The following AKT3 variants were observed in gnomAD, a reference collection of about 807,000 sequenced individuals.
The protein encoded by AKT3 is AKT serine/threonine kinase 3.
Under a neutral mutation model 65.3 loss-of-function variants are expected in AKT3, and 15 were observed. The observed-to-expected ratio is 0.23, with a 90% CI of 0.15 to 0.35. AKT3 has a LOEUF of 0.35. AKT3 is among the 10% of genes least tolerant of loss of function. The pLI is 1.00. For synonymous variants in AKT3, 206 were observed against 183.8 expected (o/e 1.12, Z -0.98); for missense variants, 243 against 576.5 (o/e 0.42, Z 5.92).
At chr1:243,525,763 A>AAAAGAAAGAAAGAAAG (rs1156394636) in intron 12 of AKT3, among the ~76,000 whole-genome samples, 6 of 28,622 alleles carry the variant, frequency 2.1e-4, no homozygotes, top group African/African-American at 7.4e-4. Flanking sequence ...GACAACTTCC[A>AAAAGAAAGAAAGAAAG]AAAGTAAGAA....
At chr1:243,646,357 C>A (rs971875154) in intron 4 of AKT3, among the ~76,000 whole-genome samples, 8 of 150,580 alleles carry the variant, frequency 5.3e-5, no homozygotes, top group African/African-American at 1.9e-4. Context: ...ATATATATAT[C>A]CTACTTTTTT....
At chr1:243,812,026 A>G (rs2148400046) in intron 2 of AKT3, among the ~76,000 whole-genome samples, 1 of 152,300 alleles carries the variant, frequency 6.6e-6, no homozygotes, top group Non-Finnish European at 1.5e-5. Context: ...TTAATTCAAG[A>G]TGGATTAAAG....
intron 7 of AKT3, 112 bp downstream of exon 7, chr1:243,614,984 C>A (rs956177544): frequency 1.1e-5 from 9 of 817,274 alleles, no homozygotes; most frequent in Middle Eastern, 7.0e-4. Flanking sequence ...GTTCTTTCCA[C>A]AAAGAAAATG....
chr1:243,766,569 A>G (rs1485454570), intron 2 of AKT3, among the ~76,000 whole-genome samples: 3 of 152,206 alleles, frequency 2.0e-5, no homozygotes, highest in Admixed American at 2.0e-4. Context: ...CTCATGTTCT[A>G]TGGCACAAAC....
At chr1:243,834,672 A>T (rs1694774730) in intron 2 of AKT3, among the ~76,000 whole-genome samples, 1 of 151,770 alleles carries the variant, frequency 6.6e-6, no homozygotes, top group East Asian at 1.9e-4. Context: ...TGTATACCAA[A>T]CCCCCTCAAC....
chr1:243,690,026 AACCTATTTTTT>A (rs1468690495), intron 3 of AKT3, among the ~76,000 whole-genome samples: 1 of 152,168 alleles, frequency 6.6e-6, no homozygotes, highest in East Asian at 1.9e-4. Context: ...ATGCAGAAAT[AACCTATTTTTT>A]AAGAAGGGAC....
At chr1:243,491,790 T>C (rs537162208) in intron 13 of AKT3, among the ~76,000 whole-genome samples, 1 of 152,248 alleles carries the variant, frequency 6.6e-6, no homozygotes, top group African/African-American at 2.4e-5. Context: ...TTTCCTGGAG[T>C]GGCCTGTGGG....
At chr1:243,635,855 G>C (rs1679934818) in intron 6 of AKT3, among the ~76,000 whole-genome samples, 1 of 151,998 alleles carries the variant, frequency 6.6e-6, no homozygotes, top group African/African-American at 2.4e-5. Flanking sequence ...CCCAGGTCTT[G>C]TCACACTCCA....
intron 12 of AKT3, among the ~76,000 whole-genome samples, chr1:243,516,103 A>T (rs1670335949): frequency 6.6e-6 from 1 of 152,188 alleles, no homozygotes; most frequent in Non-Finnish European, 1.5e-5. Context: ...ATATTCCTTA[A>T]ATGTTTGGTA....
intron 8 of AKT3, among the ~76,000 whole-genome samples, chr1:243,605,905 G>T (rs1359165128): frequency 6.6e-6 from 1 of 152,188 alleles, no homozygotes; most frequent in Admixed American, 6.5e-5. Flanking sequence ...CACAGGGCTG[G>T]TTATCTCCAT....
chr1:243,818,590 CTG>C (rs1297309068), intron 2 of AKT3, among the ~76,000 whole-genome samples: 2 of 152,074 alleles, frequency 1.3e-5, no homozygotes, highest in East Asian at 3.9e-4. Flanking sequence ...GTATCTCTAA[CTG>C]GTAAGAAAAC....
At chr1:243,694,233 T>G (rs913424529) in intron 3 of AKT3, among the ~76,000 whole-genome samples, 4 of 152,176 alleles carry the variant, frequency 2.6e-5, no homozygotes, top group Admixed American at 2.6e-4. Context: ...GGTAGGGCAT[T>G]TAGATAATGT....
At chr1:243,586,942 A>C (rs577452138) in intron 8 of AKT3, among the ~76,000 whole-genome samples, 2 of 152,324 alleles carry the variant, frequency 1.3e-5, no homozygotes, top group East Asian at 3.9e-4. Flanking sequence ...TAGCCATATA[A>C]AGTAGCAAAG....
At chr1:243,793,835 A>G (rs927678736) in intron 2 of AKT3, among the ~76,000 whole-genome samples, 1 of 151,652 alleles carries the variant, frequency 6.6e-6, no homozygotes, top group Non-Finnish European at 1.5e-5. Context: ...AGGGTCTAGG[A>G]GCTCGACTGA....
At chr1:243,676,445 G>A (rs1227953415) in intron 3 of AKT3, among the ~76,000 whole-genome samples, 1 of 152,164 alleles carries the variant, frequency 6.6e-6, no homozygotes, top group African/African-American at 2.4e-5. Flanking sequence ...CAGTAGCTCT[G>A]CATCGACTGA....
At chr1:243,562,795 C>T (rs1673889513) in intron 10 of AKT3, among the ~76,000 whole-genome samples, 1 of 152,138 alleles carries the variant, frequency 6.6e-6, no homozygotes, top group East Asian at 1.9e-4. Context: ...TAGAATCATG[C>T]TCTCACTGTA....
At chr1:243,553,363 C>T (rs181556104) in intron 10 of AKT3, among the ~76,000 whole-genome samples, 3 of 152,296 alleles carry the variant, frequency 2.0e-5, no homozygotes, top group Admixed American at 2.0e-4. Context: ...GTGCACTGTA[C>T]ATTCTTGCCT....
rs1669345756 is a variant in AKT3 at position 243,501,971 on chromosome 1, T to TA, written c.*3277dup. On this transcript the variant is annotated 3_prime_UTR_variant, in exon 14 of 14. Transcript: ENST00000673466. The stretch of plus-strand genomic sequence containing the variant: ...ATAGTAATACAGTTTCTTGGGTTTA[T>TA]AGTTGCATCTGCTTAAAATCCTTAA... 1 of 232,664 alleles carries TA rather than the reference T, an allele frequency of 4.3e-6. No homozygotes were observed. Among genetic ancestry groups the TA allele is most frequent in the Non-Finnish European group, 8.5e-6 (1 of 117,804 alleles). 14.4% of individuals were successfully genotyped at this position (232,664 alleles called of 1,614,324 possible). A position where few individuals can be genotyped will look rare whatever the true frequency, so the allele number is the denominator to read the frequency against.
downstream of AKT3, among the ~76,000 whole-genome samples, chr1:243,497,344 G>T (rs935684384): frequency 7.0e-6 from 1 of 143,072 alleles, no homozygotes; most frequent in Non-Finnish European, 1.5e-5. Context: ...GGGTGGGGGG[G>T]GGGGCGTTGA....
Sources: gnomAD v4.1 joint callset for allele counts (sites outside exome capture counted in the v4.1 genomes callset) on GRCh38, gnomAD v4.1.1 for gene constraint, MANE v1.5 for transcripts, NCBI Gene and HGNC (gene_info 2026-07-23, HGNC 2026-07-21) for gene names.